SHISA9: variants seen among roughly 807,000 people sequenced by gnomAD.
The protein encoded by SHISA9 is shisa family member 9, also known as protein shisa-9.
Under a neutral mutation model 38.0 loss-of-function variants are expected in SHISA9, and 13 were observed. The observed-to-expected ratio is 0.34, with a 90% CI of 0.22 to 0.54. The LOEUF (loss-of-function observed/expected upper bound fraction) is 0.54. Ranked by LOEUF, SHISA9 falls within the 20% of genes least tolerant of loss-of-function variation. The pLI is 0.91. For synonymous variants in SHISA9, 275 were observed against 242.0 expected, an observed-to-expected ratio of 1.14 and a Z score of -1.27; for missense variants, 538 against 575.8, an observed-to-expected ratio of 0.93 and a Z score of 0.67.
the SHISA9 span, among the ~76,000 whole-genome samples, chr16:13,467,761 C>T: frequency 8.5e-5 from 13 of 152,186 alleles, no homozygotes; most frequent in Non-Finnish European, 1.6e-4. Context: ...TTCCCTCCTT[C>T]GTCCACTCCC....
At chr16:13,207,003 A>G (rs74465520) in intron 3 of SHISA9, among the ~76,000 whole-genome samples, 2,244 of 152,348 alleles carry the variant, frequency 0.015, 50 homozygotes, top group African/African-American at 0.049. Context: ...GATAAATAAC[A>G]TATGCCATTT....
chr16:13,262,653 GAA>G, the SHISA9 span, among the ~76,000 whole-genome samples: 2 of 94,370 alleles, frequency 2.1e-5, no homozygotes, highest in Non-Finnish European at 4.7e-5. Context: ...AGGAAGGAAG[GAA>G]GGAAGGAAGG....
chr16:13,093,937 C>T (rs542735647), intron 2 of SHISA9, among the ~76,000 whole-genome samples: 1 of 152,246 alleles, frequency 6.6e-6, no homozygotes, highest in East Asian at 1.9e-4. Flanking sequence ...CTTCTGTGGG[C>T]TCCTTACTCC....
chr16:13,234,045 A>G (rs915871333), intron 4 of SHISA9, among the ~76,000 whole-genome samples: 7 of 152,336 alleles, frequency 4.6e-5, no homozygotes, highest in Admixed American at 2.0e-4. Context: ...CATTTTTAGA[A>G]TTATGCTAAA....
chr16:12,947,528 A>G (rs2071703351), intron 2 of SHISA9, among the ~76,000 whole-genome samples: 1 of 152,210 alleles, frequency 6.6e-6, no homozygotes, highest in Non-Finnish European at 1.5e-5. Context: ...GGAGAAAAGG[A>G]TATCTCAGTC....
intron 2 of SHISA9, among the ~76,000 whole-genome samples, chr16:13,171,274 C>T (rs1370873631): frequency 6.6e-6 from 1 of 152,146 alleles, no homozygotes; most frequent in Non-Finnish European, 1.5e-5. Context: ...CCACCAGGCC[C>T]CACCCCCAAC....
At chr16:13,359,251 G>A in the SHISA9 span, among the ~76,000 whole-genome samples, 20 of 152,192 alleles carry the variant, frequency 1.3e-4, no homozygotes, top group African/African-American at 4.3e-4. Flanking sequence ...AGGTCAAGGC[G>A]GGGTGGATCA....
chr16:13,460,407 C>A, the SHISA9 span, among the ~76,000 whole-genome samples: 6 of 152,148 alleles, frequency 3.9e-5, no homozygotes, highest in Non-Finnish European at 7.3e-5. Context: ...CAAGCCCCCC[C>A]GATCCATCAT....
chr16:13,271,286 TG>T, the SHISA9 span, among the ~76,000 whole-genome samples: 1 of 152,182 alleles, frequency 6.6e-6, no homozygotes, highest in African/African-American at 2.4e-5. Flanking sequence ...AACAGTTCCC[TG>T]GTTTGTAGAA....
rs929564152 is a variant in SHISA9, at chr16:13,235,063, G to A, written c.929G>A (p.Arg310Gln). The A allele has an allele frequency of 2.6e-6, 4 of 1,551,168 alleles. No individual in the cohort carries two copies. Among genetic ancestry groups the A allele is most frequent in the South Asian group, 1.2e-5 (1 of 84,014 alleles). The change falls in exon 5 of 5, where the codon CGA becomes CAA. Residue 310 changes from arginine (R) to glutamine (Q), a missense_variant. This residue lies in a region of SHISA9 where 326 missense variants were observed against 305.9 expected (regional missense o/e 1.07). Transcript: ENST00000558583. ...GTCAATGACGACTTCTACACCAAGC[G>A]ACGGCACCTGGCTGAGCTGGCTGCC... Reference protein sequence around the residue: ...DKVNDDFYTKRRHLAELAAKG... With the variant: ...DKVNDDFYTKQRHLAELAAKG...
At chr16:13,026,234 C>T (rs982011376) in intron 2 of SHISA9, among the ~76,000 whole-genome samples, 4 of 27,756 alleles carry the variant, frequency 1.4e-4, no homozygotes, top group Non-Finnish European at 2.0e-4. Flanking sequence ...TCCCAATTTT[C>T]CCCTCCCTAT....
At chr16:13,337,525 T>G in the SHISA9 span, among the ~76,000 whole-genome samples, 1 of 152,192 alleles carries the variant, frequency 6.6e-6, no homozygotes, top group South Asian at 2.1e-4. Context: ...ACTAATATGG[T>G]TACCATTCAC....
the SHISA9 span, among the ~76,000 whole-genome samples, chr16:13,548,938 A>G: frequency 1.3e-5 from 2 of 152,252 alleles, no homozygotes; most frequent in Non-Finnish European, 2.9e-5. Context: ...ACTTTACACA[A>G]TAGCCAAGAT....
chr16:13,119,477 T>C (rs1316223506), intron 2 of SHISA9, among the ~76,000 whole-genome samples: 1 of 152,250 alleles, frequency 6.6e-6, no homozygotes, highest in Admixed American at 6.5e-5. Flanking sequence ...AAAGTACATG[T>C]TTATTAATTA....
intron 2 of SHISA9, among the ~76,000 whole-genome samples, chr16:12,929,787 C>T (rs2071439859): frequency 6.6e-6 from 1 of 151,926 alleles, no homozygotes; most frequent in Non-Finnish European, 1.5e-5. Flanking sequence ...CGTAGCCCTG[C>T]ACTTAAAATA....
the SHISA9 span, among the ~76,000 whole-genome samples, chr16:13,318,933 C>G: frequency 6.6e-6 from 1 of 152,242 alleles, no homozygotes; most frequent in Non-Finnish European, 1.5e-5. Flanking sequence ...CATGTGGGTC[C>G]AAGTGTACCT....
At chr16:12,962,497 A>G (rs1237114000) in intron 2 of SHISA9, among the ~76,000 whole-genome samples, 1 of 152,222 alleles carries the variant, frequency 6.6e-6, no homozygotes, top group African/African-American at 2.4e-5. Context: ...AATTAGAGTT[A>G]GATTAGAATA....
chr16:13,272,268 G>A, the SHISA9 span, among the ~76,000 whole-genome samples: 32 of 152,192 alleles, frequency 2.1e-4, no homozygotes, highest in South Asian at 1.7e-3. Context: ...AGTGATCGCC[G>A]ACAGTTTCAA....
chr16:13,216,317 T>C (rs1164681968), intron 4 of SHISA9, among the ~76,000 whole-genome samples: 1 of 152,172 alleles, frequency 6.6e-6, no homozygotes, highest in Admixed American at 6.5e-5. Context: ...TCCCCTATTT[T>C]CTGATCTGCA....
Sources: gnomAD v4.1 joint callset for allele counts (sites outside exome capture counted in the v4.1 genomes callset) on GRCh38, gnomAD v4.1.1 for gene constraint, gnomAD v4.1.1 regional missense constraint, MANE v1.5 for transcripts, NCBI Gene and HGNC (gene_info 2026-07-23, HGNC 2026-07-21) for gene names.